SUGCT: variants seen among roughly 807,000 people sequenced by gnomAD.
SUGCT encodes succinyl-CoA:glutarate-CoA transferase.
SUGCT carries 41 observed loss-of-function variants against 55.0 expected under a neutral mutation model. The ratio of observed to expected loss-of-function variants is 0.74; its 90% CI spans 0.58 to 0.97. The LOEUF (loss-of-function observed/expected upper bound fraction) is 0.97. SUGCT is among the 50% of genes least tolerant of loss of function. SUGCT has a pLI of 0.00. For missense variants in SUGCT, 568 were observed against 547.8 expected, an observed-to-expected ratio of 1.04 and a Z score of -0.37; for synonymous variants, 187 against 200.4, an observed-to-expected ratio of 0.93 and a Z score of 0.56.
At chr7:40,787,829 A>C (rs1358652325) in intron 13 of SUGCT, among the ~76,000 whole-genome samples, 1 of 152,110 alleles carries the variant, frequency 6.6e-6, no homozygotes, top group Non-Finnish European at 1.5e-5. Context: ...TCTGTCAGCA[A>C]AGGCAAAGTG....
chr7:40,884,075 G>T, the SUGCT span, among the ~76,000 whole-genome samples: 3 of 152,078 alleles, frequency 2.0e-5, no homozygotes, highest in Non-Finnish European at 4.4e-5. Context: ...TACTGTCAAG[G>T]AATCTCCACC....
intron 12 of SUGCT, among the ~76,000 whole-genome samples, chr7:40,661,730 T>C (rs1172040376): frequency 1.3e-5 from 2 of 152,184 alleles, no homozygotes; most frequent in African/African-American, 4.8e-5. Context: ...GCAGCCACCC[T>C]GGTTACATGT....
At chr7:40,646,059 T>C (rs1286866722) in intron 12 of SUGCT, among the ~76,000 whole-genome samples, 1 of 152,162 alleles carries the variant, frequency 6.6e-6, no homozygotes, top group Non-Finnish European at 1.5e-5. Context: ...CAACAAGATT[T>C]TCTCAAGTCT....
chr7:40,376,413 G>A (rs184190748), intron 9 of SUGCT, among the ~76,000 whole-genome samples: 8 of 142,734 alleles, frequency 5.6e-5, no homozygotes. Flanking sequence ...TTTTTGAGCT[G>A]GAGTCTTGCT....
At chr7:40,689,548 C>T (rs552438101) in intron 12 of SUGCT, among the ~76,000 whole-genome samples, 1 of 152,226 alleles carries the variant, frequency 6.6e-6, no homozygotes, top group Non-Finnish European at 1.5e-5. Context: ...TCCATAAGGA[C>T]AAAATTCTTT....
chr7:40,890,274 A>AATATTTAT, the SUGCT span, among the ~76,000 whole-genome samples: 2 of 141,186 alleles, frequency 1.4e-5, no homozygotes, highest in African/African-American at 5.2e-5. Flanking sequence ...ATATAATATA[A>AATATTTAT]ATTAAATATT....
At chr7:40,880,173 C>T in the SUGCT span, among the ~76,000 whole-genome samples, 1 of 152,184 alleles carries the variant, frequency 6.6e-6, no homozygotes, top group Admixed American at 6.5e-5. Context: ...CTGATTGCTT[C>T]CTCATGGTAT....
intron 13 of SUGCT, among the ~76,000 whole-genome samples, chr7:40,780,696 C>G (rs1044435082): frequency 6.7e-6 from 1 of 150,104 alleles, no homozygotes; most frequent in African/African-American, 2.5e-5. Context: ...ACTAATAGGA[C>G]TTGGCAGGAA....
the SUGCT span, among the ~76,000 whole-genome samples, chr7:41,035,131 A>G: frequency 6.6e-6 from 1 of 152,340 alleles, no homozygotes; most frequent in Admixed American, 6.5e-5. Flanking sequence ...CCCAGTGCAC[A>G]CAGGCCAAGG....
At chr7:40,159,505 G>A (rs1784048218) in intron 1 of SUGCT, among the ~76,000 whole-genome samples, 1 of 152,044 alleles carries the variant, frequency 6.6e-6, no homozygotes, top group South Asian at 2.1e-4. Flanking sequence ...TGAGTAGCTG[G>A]GACTACAGGC....
At chr7:40,268,799 C>T (rs928533419) in intron 7 of SUGCT, among the ~76,000 whole-genome samples, 12 of 151,880 alleles carry the variant, frequency 7.9e-5, no homozygotes, top group African/African-American at 2.2e-4. Context: ...CCACCGTGCC[C>T]GGTTAATTTT....
the SUGCT span, among the ~76,000 whole-genome samples, chr7:40,904,038 A>G: frequency 2.0e-5 from 3 of 152,318 alleles, no homozygotes; most frequent in Admixed American, 2.0e-4. Flanking sequence ...CTAGCCGGCC[A>G]ACCACCCTCA....
At chr7:40,231,216 G>T (rs1480026010) in intron 6 of SUGCT, among the ~76,000 whole-genome samples, 1 of 152,120 alleles carries the variant, frequency 6.6e-6, no homozygotes, top group Non-Finnish European at 1.5e-5. Context: ...GTTTATCTCT[G>T]TCCTATAGCC....
chr7:40,347,141 A>G (rs1797360029), intron 9 of SUGCT, among the ~76,000 whole-genome samples: 1 of 152,182 alleles, frequency 6.6e-6, no homozygotes, highest in Admixed American at 6.5e-5. Context: ...ATTGCCATGA[A>G]GCAATTGTTG....
chr7:40,449,251 A>G (rs1562785870), intron 9 of SUGCT, 36 bp from the exon 10 acceptor site: 2 of 1,437,672 alleles, frequency 1.4e-6, no homozygotes, highest in Non-Finnish European at 1.9e-6. Flanking sequence ...TTGTCAACAT[A>G]TAAATAATAT....
intron 13 of SUGCT, among the ~76,000 whole-genome samples, chr7:40,815,348 T>A (rs1198735452): frequency 6.6e-6 from 1 of 152,220 alleles, no homozygotes; most frequent in Non-Finnish European, 1.5e-5. Flanking sequence ...GTTCTCTATG[T>A]GGGACTGAGG....
At chr7:40,865,409 TC>T (rs1794561729), downstream of SUGCT, among the ~76,000 whole-genome samples, 1 of 152,152 alleles carries the variant, frequency 6.6e-6, no homozygotes, top group Admixed American at 6.6e-5. Context: ...CCACTTCTTG[TC>T]CCTTGAAACA....
intron 13 of SUGCT, among the ~76,000 whole-genome samples, chr7:40,814,550 CTGT>C (rs1311292015): frequency 6.6e-6 from 1 of 151,004 alleles, no homozygotes; most frequent in Non-Finnish European, 1.5e-5. Flanking sequence ...TCCAGAAGCT[CTGT>C]TTGATTTTTT....
At chr7:40,878,028 G>T in the SUGCT span, among the ~76,000 whole-genome samples, 1 of 152,070 alleles carries the variant, frequency 6.6e-6, no homozygotes. Flanking sequence ...GTGATAGAAA[G>T]TATCACATTT....
Sources: allele counts gnomAD v4.1 joint callset (sites outside exome capture counted in the v4.1 genomes callset), GRCh38; gene constraint gnomAD v4.1.1; transcripts MANE v1.5; gene names NCBI Gene and HGNC (gene_info 2026-07-23, HGNC 2026-07-21).